The following TRIM3 variants were observed in gnomAD, a reference collection of about 807,000 sequenced individuals.
TRIM3 encodes tripartite motif-containing protein 3.
TRIM3 carries 13 observed loss-of-function variants against 66.6 expected under a neutral mutation model. That is an observed-to-expected ratio of 0.20 (90% CI 0.13 to 0.31). TRIM3 has a LOEUF of 0.31. Ranked by LOEUF, TRIM3 falls within the 10% of genes least tolerant of loss-of-function variation. The probability of loss-of-function intolerance (pLI) is 1.00; values close to 1 mark genes in which losing one functional copy is unlikely to be tolerated. For synonymous variants in TRIM3, 406 were observed against 411.7 expected (o/e 0.99, Z 0.17); for missense variants, 711 against 1,020.4 (o/e 0.70, Z 4.13).
At chr11:6,471,427 T>C (rs1259100010) in intron 1 of TRIM3, among the ~76,000 whole-genome samples, 1 of 152,206 alleles carries the variant, frequency 6.6e-6, no homozygotes, top group African/African-American at 2.4e-5. Flanking sequence ...GCAAAGTCCT[T>C]AAAGCCAATG....
At chr11:6,460,783 T>C (rs968613652) in intron 2 of TRIM3, among the ~76,000 whole-genome samples, 1 of 152,184 alleles carries the variant, frequency 6.6e-6, no homozygotes, top group African/African-American at 2.4e-5. Context: ...ATGTTTCCTA[T>C]AACTTAGGAT....
rs182156263 is a variant in TRIM3, at chr11:6,468,965, G to A, written c.-37-3233C>T. 5.4e-4 allele frequency among the ~76,000 whole-genome samples: 82 copies of A among 152,318 alleles called. No homozygotes were observed. The East Asian group carries it at 0.014, about 27-fold the overall frequency. On this transcript the variant is annotated intron_variant, in intron 1 of 11. Coordinates refer to ENST00000345851, the MANE Select transcript of TRIM3 (RefSeq NM_033278.4). ...TTATGTTTGTGTAAGGGTGGGCCTG[G>A]GTAGAGTGTGAAGGGCATGCCTGAA... is the stretch of plus-strand genomic sequence containing the variant.
At chr11:6,452,120 A>C (rs1291355004) in intron 7 of TRIM3, 2 of 152,568 alleles carry the variant, frequency 1.3e-5, no homozygotes, top group African/African-American at 4.8e-5. Context: ...ACTTAGTAGC[A>C]GACTGGAATG....
intron 1 of TRIM3, among the ~76,000 whole-genome samples, chr11:6,470,578 T>C (rs1447114437): frequency 6.6e-6 from 1 of 152,162 alleles, no homozygotes; most frequent in African/African-American, 2.4e-5. Context: ...TAGAGTTCAC[T>C]GTTTAATGTG....
rs1187678726 is a variant in TRIM3, at chr11:6,455,615, A to G, written c.1533+457T>C. Among the ~76,000 whole-genome samples, 7 of 152,140 alleles carry G rather than the reference A, an allele frequency of 4.6e-5. No homozygotes were observed. In the South Asian group the frequency reaches 1.4e-3, roughly 31 times the overall value. ...TACCCCCTTTGGCCAAGATACCCCT[A>G]TGCAACTGTCTAGCCAACCTGATAA... On this transcript the variant is annotated intron_variant, in intron 7 of 11. Coordinates refer to ENST00000345851, the MANE Select transcript of TRIM3 (RefSeq NM_033278.4).
At chr11:6,472,722 G>A (rs911805214) in intron 1 of TRIM3, among the ~76,000 whole-genome samples, 9 of 152,174 alleles carry the variant, frequency 5.9e-5, no homozygotes, top group Non-Finnish European at 1.2e-4. Flanking sequence ...AGTAATGGCA[G>A]TAACAAGACA....
rs1295635351 is a variant in TRIM3 at position 6,456,117 on chromosome 11, G to A, written c.1488C>T (p.Ser496=). Residue 496 remains serine, a synonymous_variant, in exon 7 of 12, where the codon AGC becomes AGT. Coordinates refer to ENST00000345851, the MANE Select transcript of TRIM3 (RefSeq NM_033278.4). This position sits in a 1 kb window ranked among gnomAD's most constrained non-coding sequence, Gnocchi z 6.4. ...TGTCTGCTACCACGATGCGGCCGCT[G>A]CTGGCTGCGGACACACCTTGTAAAT... The part of the protein sequence containing the change: ...FTNLQGVSAA[S]SGRIVVADSN... The A allele has an allele frequency of 2.5e-6, 4 of 1,614,076 alleles. No homozygotes were observed. In the East Asian group the frequency reaches 6.7e-5, roughly 27 times the overall value.
At chr11:6,473,428 A>G (rs1008299773) in intron 1 of TRIM3, among the ~76,000 whole-genome samples, 1 of 151,600 alleles carries the variant, frequency 6.6e-6, no homozygotes, top group South Asian at 2.1e-4. Context: ...GGGAGAAAAG[A>G]GCCCTTCAGA....
At chr11:6,459,693 T>G (rs1318522084) in intron 2 of TRIM3, among the ~76,000 whole-genome samples, 1 of 152,140 alleles carries the variant, frequency 6.6e-6, no homozygotes, top group Non-Finnish European at 1.5e-5. Context: ...GAAATAAATT[T>G]GAGAAGTGTT....
chr11:6,456,359 A>G lies in TRIM3; in HGVS notation c.1367T>C (p.Met456Thr), dbSNP rs748366592. 6.5e-7 allele frequency: 1 copy of G among 1,537,988 alleles called. No homozygotes were observed. Among genetic ancestry groups the G allele is most frequent in the East Asian group, 2.3e-5 (1 of 44,078 alleles). ...RQKAVRRPSS[M>T]YSTGGKRKDN... is the part of the protein sequence containing the mutation. ...CTTTCGTTTGCCGCCTGTGCTGTAC[A>G]TGGAGCTGGGCCTACGCACTGCCTT... Residue 456 changes from methionine to threonine, a missense_variant, in exon 6 of 12, where the codon ATG becomes ACG. By Grantham distance (81) the Met-to-Thr change is moderately conservative (BLOSUM62 -1). Coordinates refer to ENST00000345851, the MANE Select transcript of TRIM3 (RefSeq NM_033278.4). This position sits in a 1 kb window ranked among gnomAD's most constrained non-coding sequence, Gnocchi z 6.4.
At chr11:6,464,007 G>A (rs753399592) in intron 2 of TRIM3, among the ~76,000 whole-genome samples, 9 of 152,212 alleles carry the variant, frequency 5.9e-5, no homozygotes, top group Admixed American at 5.9e-4. Flanking sequence ...GAAGGCAGAG[G>A]AAAAGTGCGG....
At chr11:6,467,958 T>C (rs1253800482) in intron 1 of TRIM3, among the ~76,000 whole-genome samples, 1 of 152,176 alleles carries the variant, frequency 6.6e-6, no homozygotes. Flanking sequence ...GGGTATCATC[T>C]GAGCTACAAG....
At chr11:6,473,542 AC>A (rs1273313525) in intron 1 of TRIM3, among the ~76,000 whole-genome samples, 1 of 151,044 alleles carries the variant, frequency 6.6e-6, no homozygotes, top group Non-Finnish European at 1.5e-5. Context: ...AAGCTCCCAA[AC>A]CCCGCGCTCC....
rs531554456 is a variant in TRIM3, at chr11:6,458,139, G to A, written c.289C>T (p.His97Tyr). ...AGGGGGTGGGGGTCCTCCGGGTCGT[G>A]GGCCCCATCAGGTGCCTGCTGCATT... The part of the protein sequence containing the change: ...EAMQQAPDGA[H>Y]DPEDPHPLSV... The change falls in exon 3 of 12, where the codon CAC (histidine) becomes TAC (tyrosine). Residue 97 changes from histidine to tyrosine, a missense_variant. Physicochemically the swap from His to Tyr is moderately conservative, Grantham distance 83. Around this residue, in one of 3 missense-constraint regions of TRIM3, gnomAD observed 149 missense variants for 240.3 expected, o/e 0.62. Transcript: ENST00000345851. The surrounding 1 kb of genome is among the most constrained non-coding windows in gnomAD (Gnocchi z 6.2). The A allele has an allele frequency of 6.2e-7, 1 of 1,613,894 alleles. No individual in the cohort carries two copies. The highest frequency in any genetic ancestry group is 1.7e-5 in the Admixed American group (1 of 60,010).
Position 6,457,711 on chromosome 11 carries a change from T to C in TRIM3, c.500A>G (p.Glu167Gly). 1 of 1,612,824 alleles carries C rather than the reference T, an allele frequency of 6.2e-7. No homozygotes were observed. Among genetic ancestry groups the C allele is most frequent in the Middle Eastern group, 1.7e-4 (1 of 6,056 alleles). Residue 167 changes from glutamate to glycine, a missense_variant, in exon 4 of 12, where the codon GAG (glutamate) becomes GGG (glycine). This residue lies in a region of TRIM3 where 149 missense variants were observed against 240.3 expected (regional missense o/e 0.62). Transcript: ENST00000345851. The surrounding 1 kb of genome is among the most constrained non-coding windows in gnomAD (Gnocchi z 4.5). ...QHKAALQRQL[E>G]AVRGRLPQLS... is the part of the protein sequence containing the mutation. ...CAGTGCCTACCGGCCACGCACAGCC[T>C]CGAGCTGGCGCTGCAGGGCCGCCTT... is the stretch of plus-strand genomic sequence containing the variant.
intron 1 of TRIM3, among the ~76,000 whole-genome samples, chr11:6,469,210 G>A (rs921981800): frequency 1.3e-5 from 2 of 152,150 alleles, no homozygotes; most frequent in Admixed American, 1.3e-4. Flanking sequence ...GTCCTGCTGG[G>A]GTAGCTGGAT....
At position 6,456,157 on chromosome 11, in the gene TRIM3, T is replaced by C; in HGVS notation, c.1448A>G (p.Lys483Arg). ...ACCTTGTAAATTGGTGAATTCACCT[T>C]TCTCCCTTCCACGACTGCCTGTGGG... ...VFRVGSRGRE[K>R]GEFTNLQGVS... Residue 483 changes from lysine (K) to arginine (R), a missense_variant, in exon 7 of 12, where the codon AAA becomes AGA. Physicochemically the swap from Lys to Arg is conservative, Grantham distance 26. This residue lies in a region of TRIM3 where 399 missense variants were observed against 458.1 expected (regional missense o/e 0.87). Coordinates refer to ENST00000345851, the MANE Select transcript of TRIM3 (RefSeq NM_033278.4). This position sits in a 1 kb window ranked among gnomAD's most constrained non-coding sequence, Gnocchi z 6.4. 6.2e-7 allele frequency: 1 copy of C among 1,614,192 alleles called. No individual in the cohort carries two copies. Among genetic ancestry groups the C allele is most frequent in the Non-Finnish European group, 8.5e-7 (1 of 1,180,034 alleles).
intron 1 of TRIM3, among the ~76,000 whole-genome samples, chr11:6,471,261 C>T (rs1375090195): frequency 2.0e-5 from 3 of 152,130 alleles, no homozygotes; most frequent in Non-Finnish European, 4.4e-5. Context: ...AAAATGGATG[C>T]GAGAGGTCAG....
chr11:6,470,655 G>T (rs145167262), intron 1 of TRIM3, among the ~76,000 whole-genome samples: 1 of 152,206 alleles, frequency 6.6e-6, no homozygotes, highest in African/African-American at 2.4e-5. Context: ...GGAAAGATAC[G>T]CTGAAGCCTA....
Sources: allele counts gnomAD v4.1 joint callset (sites outside exome capture counted in the v4.1 genomes callset), GRCh38; gene constraint gnomAD v4.1.1; regional missense constraint gnomAD v4.1.1; non-coding constraint Gnocchi (gnomAD v3.1); transcripts MANE v1.5; gene names NCBI Gene and HGNC (gene_info 2026-07-23, HGNC 2026-07-21).